The following PXN variants were observed in gnomAD, a reference collection of about 807,000 sequenced individuals.
PXN encodes paxillin.
PXN carries 61 observed loss-of-function variants against 103.6 expected under a neutral mutation model. The observed-to-expected ratio is 0.59, with a 90% CI of 0.48 to 0.73. The LOEUF is 0.73. Among genes scored for constraint, PXN ranks in the 30% least tolerant of loss-of-function variants. The pLI, the probability that PXN is intolerant of heterozygous loss-of-function variation, is 0.00. For missense variants in PXN, 1,274 were observed against 1,460.3 expected, an observed-to-expected ratio of 0.87 and a Z score of 2.08; for synonymous variants, 562 against 607.8, an observed-to-expected ratio of 0.92 and a Z score of 1.11.
chr12:120,213,448 G>C lies in PXN; in HGVS notation c.2979+394C>G, dbSNP rs1231579135. On this transcript the variant is annotated intron_variant, in intron 14 of 14. Coordinates refer to ENST00000637617, the MANE Select transcript of PXN (RefSeq NM_001385981.1). This position sits in a 1 kb window ranked among gnomAD's most constrained non-coding sequence, Gnocchi z 4.2. ...GAACAGTGTTTCCCAAACTCATTTG[G>C]TCAGAGAGCCCTTGTTGAATCATTA... Among the ~76,000 whole-genome samples the C allele has an allele frequency of 2.0e-5, 3 of 152,234 alleles. No individual in the cohort carries two copies.
chr12:120,252,077 G>A (rs1019468934), intron 1 of PXN, among the ~76,000 whole-genome samples: 6 of 152,140 alleles, frequency 3.9e-5, no homozygotes, highest in African/African-American at 1.4e-4. Context: ...ACCAAGTGTG[G>A]CTGATGTCAG....
At chr12:120,231,115 C>T (rs1032404742) in intron 1 of PXN, among the ~76,000 whole-genome samples, 1 of 152,156 alleles carries the variant, frequency 6.6e-6, no homozygotes, top group Non-Finnish European at 1.5e-5. Flanking sequence ...GATCCCAGGC[C>T]CAGCGGATGA....
rs946304749 is a variant in PXN, at chr12:120,215,238, G to T, written c.2439C>A (p.Pro813=). Residue 813 remains proline, a synonymous_variant, in exon 11 of 15, where the codon CCC becomes CCA. Transcript: ENST00000637617. This position sits in a 1 kb window ranked among gnomAD's most constrained non-coding sequence, Gnocchi z 4.9. ...TCCCGGGCTTCGGGGGCCCCCCAGG[G>T]GGTGAGCTGCTCCCTGTCTTCCCCT... is the stretch of plus-strand genomic sequence containing the variant. ...MAQGKTGSSS[P]PGGPPKPGSQ... The T allele has an allele frequency of 3.1e-6, 5 of 1,590,960 alleles. No homozygotes were observed. The African/African-American group carries it at 5.4e-5, about 17-fold the overall frequency.
intron 1 of PXN, among the ~76,000 whole-genome samples, chr12:120,230,848 ACCTAGGG>A (rs1185043256): frequency 1.3e-5 from 2 of 152,172 alleles, no homozygotes; most frequent in East Asian, 3.9e-4. Flanking sequence ...CAGCCCAGGG[ACCTAGGG>A]CCTGGACACT....
In PXN at chr12:120,212,091, C is replaced by T; in HGVS notation, c.*223G>A. On this transcript the variant is annotated 3_prime_UTR_variant, in exon 15 of 15. Coordinates refer to ENST00000637617, the MANE Select transcript of PXN (RefSeq NM_001385981.1). The surrounding 1 kb of genome is among the most constrained non-coding windows in gnomAD (Gnocchi z 7.2). ...CCTGGGGAGGATGGAGAGTGGGCAG[C>T]CTAGGGAGAGCTACAGGAGGGAGGA... 1 of 766,864 alleles carries T rather than the reference C, an allele frequency of 1.3e-6. No homozygotes were observed. The highest frequency in any genetic ancestry group is 1.7e-5 in the African/African-American group (1 of 58,972). The allele number at this position is 766,864 out of a possible 1,614,324, so 47.5% of individuals were successfully genotyped here.
At chr12:120,242,509 C>T (rs1402438511) in intron 1 of PXN, among the ~76,000 whole-genome samples, 1 of 152,204 alleles carries the variant, frequency 6.6e-6, no homozygotes, top group African/African-American at 2.4e-5. Flanking sequence ...CAATCTCAGG[C>T]CTCAAACCCT....
At chr12:120,256,575 G>C (rs1417589359) in intron 1 of PXN, among the ~76,000 whole-genome samples, 2 of 151,988 alleles carry the variant, frequency 1.3e-5, no homozygotes, top group Admixed American at 6.6e-5. Context: ...GGGGACGTGG[G>C]GGGTGGAGTA....
Position 120,216,601 on chromosome 12 carries a change from G to T in PXN, c.1993-20C>A. On this transcript the variant is annotated intron_variant, in intron 8 of 14. Coordinates refer to ENST00000637617, the MANE Select transcript of PXN (RefSeq NM_001385981.1). This position sits in a 1 kb window ranked among gnomAD's most constrained non-coding sequence, Gnocchi z 5.1. Reference sequence around the variant, plus strand: ...GACAACCTGGGGAGAAGAAAGGAGGGAGAGCGATGAGGAAGAAATCGCCAG... The same window carrying T: ...GACAACCTGGGGAGAAGAAAGGAGGTAGAGCGATGAGGAAGAAATCGCCAG... 2 of 1,478,144 alleles carry T rather than the reference G, an allele frequency of 1.4e-6. No individual in the cohort carries two copies. The highest frequency in any genetic ancestry group is 1.8e-6 in the Non-Finnish European group (2 of 1,128,324). 91.6% of individuals were successfully genotyped at this position (1,478,144 alleles called of 1,614,324 possible).
At chr12:120,223,552 T>A in intron 3 of PXN, among the ~76,000 whole-genome samples, 166 bp downstream of exon 3, 1 of 152,026 alleles carries the variant, frequency 6.6e-6, no homozygotes, top group Non-Finnish European at 1.5e-5. Flanking sequence ...ATGGCACTGA[T>A]GAGGTAGACG....
Position 120,215,559 on chromosome 12 carries a change from C to T in PXN, c.2403+1G>A, listed in dbSNP as rs377119912. The stretch of plus-strand genomic sequence containing the variant: ...ACACCCAGCCCAGCCTTGGCACTGA[C>T]CCCTCCCTCGTCCTGCCCTCCGGGG... On this transcript the variant is annotated splice_donor_variant, in intron 10 of 14. Transcript: ENST00000637617. LOFTEE classifies it high-confidence loss of function. This position sits in a 1 kb window ranked among gnomAD's most constrained non-coding sequence, Gnocchi z 4.9. 6.3e-7 allele frequency: 1 copy of T among 1,584,756 alleles called. No homozygotes were observed. The highest frequency in any genetic ancestry group is 1.4e-5 in the African/African-American group (1 of 73,992).
rs1477305486 is a variant in PXN, at chr12:120,214,068, C to T, written c.2830+68G>A. ...GCCACTCTGACTCCAACCTCAGCAG[C>T]GTCTCCCACCCCCACCTCCCCGGCC... is the stretch of plus-strand genomic sequence containing the variant. On this transcript the variant is annotated intron_variant, in intron 13 of 14. Coordinates refer to ENST00000637617, the MANE Select transcript of PXN (RefSeq NM_001385981.1). The surrounding 1 kb of genome is among the most constrained non-coding windows in gnomAD (Gnocchi z 5.0). 4.7e-5 allele frequency: 74 copies of T among 1,571,272 alleles called. No homozygotes were observed. The highest frequency in any genetic ancestry group is 1.7e-4 in the Middle Eastern group (1 of 6,016).
chr12:120,265,428 G>T lies in PXN; in HGVS notation c.13+189C>A, dbSNP rs1048306809. Among the ~76,000 whole-genome samples, 1 of 152,076 alleles carries T rather than the reference G, an allele frequency of 6.6e-6. No individual in the cohort carries two copies. ...TCGCTGCTGTGCGGTCGGTGCCGGG[G>T]CCGGCCTGGCCCGAGACTAAGGCCC... is the stretch of plus-strand genomic sequence containing the variant. On this transcript the variant is annotated intron_variant, in intron 1 of 14. Coordinates refer to ENST00000637617, the MANE Select transcript of PXN (RefSeq NM_001385981.1). The surrounding 1 kb of genome is among the most constrained non-coding windows in gnomAD (Gnocchi z 5.7).
rs1185186979 is a variant in PXN, at chr12:120,216,662, C to T, written c.1993-81G>A. ...AGGGGTGGCGGGACCTCCCCAGGCT[C>T]CCCCTGGGCCTTCCCACTCTGCACC... On this transcript the variant is annotated intron_variant, in intron 8 of 14. Transcript: ENST00000637617. The surrounding 1 kb of genome is among the most constrained non-coding windows in gnomAD (Gnocchi z 5.1). The T allele has an allele frequency of 6.4e-7, 1 of 1,566,996 alleles. No homozygotes were observed. Among genetic ancestry groups the T allele is most frequent in the African/African-American group, 1.4e-5 (1 of 72,358 alleles).
intron 3 of PXN, among the ~76,000 whole-genome samples, chr12:120,223,391 G>A (rs1466553349): frequency 5.3e-5 from 8 of 151,800 alleles, no homozygotes; most frequent in South Asian, 2.1e-4. Flanking sequence ...CCGAGATCGC[G>A]CGACTGCACT....
intron 1 of PXN, among the ~76,000 whole-genome samples, chr12:120,227,545 G>C (rs1324512109): frequency 6.6e-6 from 1 of 152,096 alleles, no homozygotes; most frequent in Admixed American, 6.6e-5. Flanking sequence ...CAGGGAGAAG[G>C]CACATCATTA....
At chr12:120,263,696 G>A (rs893170077) in intron 1 of PXN, among the ~76,000 whole-genome samples, 2 of 152,156 alleles carry the variant, frequency 1.3e-5, no homozygotes, top group African/African-American at 4.8e-5. Context: ...ATCACAAATC[G>A]AGGTAGAGGG....
rs758679009 is a variant in PXN, at chr12:120,219,282, C to G, written c.1641G>C (p.Lys547Asn). 31 of 1,598,426 alleles carry G rather than the reference C, an allele frequency of 1.9e-5. No individual in the cohort carries two copies. The Admixed American group carries it at 2.2e-4, about 11-fold the overall frequency. The change falls in exon 7 of 15, where the codon AAG becomes AAC. Residue 547 changes from lysine (K) to asparagine (N), a missense_variant. By Grantham distance (94) the Lys-to-Asn change is moderately conservative. This residue lies in a region of PXN where 1,178 missense variants were observed against 1,309.0 expected (regional missense o/e 0.90). Transcript: ENST00000637617. The surrounding 1 kb of genome is among the most constrained non-coding windows in gnomAD (Gnocchi z 6.5). Reference protein sequence around the residue: ...GTTEAATQDGKEQPELPCAMA... With the variant: ...GTTEAATQDGNEQPELPCAMA... ...TGGCACATGGAAGCTCTGGCTGTTC[C>G]TTCCCGTCCTGGGTGGCAGCTTCCG...
chr12:120,226,307 G>A (rs1405942324), intron 1 of PXN: 1 of 1,289,210 alleles, frequency 7.8e-7, no homozygotes, highest in South Asian at 1.2e-5. Context: ...GTAGGGGGCA[G>A]GAGCAGCTGC....
chr12:120,218,030 A>G (rs1883820010), intron 7 of PXN, among the ~76,000 whole-genome samples: 1 of 148,142 alleles, frequency 6.8e-6, no homozygotes, highest in Admixed American at 6.7e-5. Context: ...AAAGAGGCAT[A>G]AAGCTTGGGG....
Sources: allele counts gnomAD v4.1 joint callset (sites outside exome capture counted in the v4.1 genomes callset), GRCh38; gene constraint gnomAD v4.1.1; regional missense constraint gnomAD v4.1.1; non-coding constraint Gnocchi (gnomAD v3.1); transcripts MANE v1.5; gene names NCBI Gene and HGNC (gene_info 2026-07-23, HGNC 2026-07-21).